The following CCND3 variants were observed in gnomAD, a reference collection of about 807,000 sequenced individuals.
CCND3 encodes cyclin D3, also known as G1/S-specific cyclin-D3.
Under a neutral mutation model 28.7 loss-of-function variants are expected in CCND3, and 9 were observed. The observed-to-expected ratio is 0.31, with a 90% confidence interval of 0.19 to 0.55. The LOEUF (loss-of-function observed/expected upper bound fraction) is 0.55. Ranked by LOEUF, CCND3 falls within the 20% of genes least tolerant of loss-of-function variation. The pLI, the probability that CCND3 is intolerant of heterozygous loss-of-function variation, is 0.93. For missense variants in CCND3, 315 were observed against 385.8 expected (o/e 0.82, Z 1.54); for synonymous variants, 164 against 163.9 (o/e 1.00, Z 0.00).
At chr6:42,047,216 A>C (rs937029365) in intron 1 of CCND3, among the ~76,000 whole-genome samples, 5 of 152,214 alleles carry the variant, frequency 3.3e-5, no homozygotes, top group Non-Finnish European at 7.3e-5. Context: ...ACTCTGCTAC[A>C]ATTATCAGAG....
At chr6:41,943,426 T>G (rs1193637300), upstream of CCND3, among the ~76,000 whole-genome samples, 1 of 152,212 alleles carries the variant, frequency 6.6e-6, no homozygotes, top group East Asian at 1.9e-4. Context: ...CACTTTTCCA[T>G]GCTATTAAAT....
At chr6:41,992,756 C>G (rs9369319) in intron 1 of CCND3, among the ~76,000 whole-genome samples, 149,047 of 152,076 alleles carry the variant, frequency 0.98, 73,100 homozygotes, top group East Asian at 1. Flanking sequence ...AATATTTTAT[C>G]TATCTTGGGA....
upstream of CCND3, among the ~76,000 whole-genome samples, chr6:41,944,876 T>G (rs1776130528): frequency 6.6e-6 from 1 of 152,186 alleles, no homozygotes; most frequent in Non-Finnish European, 1.5e-5. Context: ...TAGCCATGCC[T>G]AGAGCTAGAT....
intron 1 of CCND3, among the ~76,000 whole-genome samples, chr6:41,970,199 C>T (rs371778633): frequency 2.6e-5 from 4 of 151,992 alleles, no homozygotes. Flanking sequence ...TTTAGCTGGG[C>T]GTGGTGGCAC....
In CCND3 at chr6:42,034,468, CTTT is replaced by C. The variant is rs34822771; in HGVS notation, c.-46+14030_-46+14032del. On this transcript the variant is annotated intron_variant, in intron 1 of 4. Transcript: ENST00000372988. ...ACCGTGCCTGGCCAACCCTGTCACTCTTTTTTTTTTTTTTTTTTTTTTTTTTTT... is the reference window on the plus strand; with the variant it reads ...ACCGTGCCTGGCCAACCCTGTCACTCTTTTTTTTTTTTTTTTTTTTTTTTT... 1.2e-3 allele frequency among the ~76,000 whole-genome samples: 60 copies of C among 50,998 alleles called. 1 individual carries two copies. Among genetic ancestry groups the C allele is most frequent in the Middle Eastern group, 0.033 (2 of 60 alleles). The allele number at this position is 50,998 out of a possible 152,430, so 33.5% of individuals were successfully genotyped here. A position where few individuals can be genotyped will look rare whatever the true frequency, so the allele number is the denominator to read the frequency against.
At chr6:41,990,658 T>C (rs6458261) in intron 1 of CCND3, among the ~76,000 whole-genome samples, 134,956 of 137,728 alleles carry the variant, frequency 0.98, 66,160 homozygotes, top group East Asian at 1. Context: ...TATAACCAAC[T>C]GATTTTTTTT....
intron 1 of CCND3, among the ~76,000 whole-genome samples, chr6:42,032,368 G>T (rs567706037): frequency 6.6e-6 from 1 of 152,152 alleles, no homozygotes; most frequent in Admixed American, 6.5e-5. Flanking sequence ...GGTTACACAC[G>T]TGAGCCACCA....
Position 41,936,007 on chromosome 6 carries a change from C to A in CCND3, c.812G>T (p.Arg271Leu). 1 of 1,613,108 alleles carries A rather than the reference C, an allele frequency of 6.2e-7. No individual in the cohort carries two copies. The highest frequency in any genetic ancestry group is 8.5e-7 in the Non-Finnish European group (1 of 1,179,500). ...TSSSPAPKAP[R>L]GSSSQGPSQT... is the part of the protein sequence containing the mutation. ...GCTGGGCCCTTGGCTGCTGGAGCCCCGGGGGGCTTTGGGCGCTGGGCTGGA... is the reference window on the plus strand; with the variant it reads ...GCTGGGCCCTTGGCTGCTGGAGCCCAGGGGGGCTTTGGGCGCTGGGCTGGA... Residue 271 changes from arginine to leucine, a missense_variant, in exon 5 of 5, where the codon CGG becomes CTG. Arg to Leu is a moderately radical substitution (Grantham distance 102). Transcript: ENST00000372991. This position sits in a 1 kb window ranked among gnomAD's most constrained non-coding sequence, Gnocchi z 4.4.
intron 1 of CCND3, among the ~76,000 whole-genome samples, chr6:42,001,732 G>A (rs1009756171): frequency 6.6e-6 from 1 of 152,062 alleles, no homozygotes. Context: ...GGCGGGGGGC[G>A]GAGTGTGCCT....
intron 1 of CCND3, among the ~76,000 whole-genome samples, chr6:41,954,005 C>T (rs537758326): frequency 6.6e-6 from 1 of 151,896 alleles, no homozygotes; most frequent in South Asian, 2.1e-4. Context: ...AATCCCAGCA[C>T]TTTGGGAGGC....
intron 1 of CCND3, among the ~76,000 whole-genome samples, chr6:41,955,798 A>C (rs1241452698): frequency 1.3e-5 from 2 of 152,042 alleles, no homozygotes; most frequent in Non-Finnish European, 2.9e-5. Flanking sequence ...TTAATTAATT[A>C]AAAATTAGCC....
intron 1 of CCND3, among the ~76,000 whole-genome samples, chr6:41,958,286 C>T (rs1199428223): frequency 6.6e-6 from 1 of 152,114 alleles, no homozygotes; most frequent in Non-Finnish European, 1.5e-5. Context: ...TGTGAGCCAC[C>T]ATGCCTGGCC....
rs4236080 is a variant in CCND3 at position 42,044,957 on chromosome 6, G to A, written c.-46+3544C>T. 1.1e-3 allele frequency among the ~76,000 whole-genome samples: 53 copies of A among 47,178 alleles called. 2 individuals carry two copies. Among genetic ancestry groups the A allele is most frequent in the Admixed American group, 8.1e-3 (41 of 5,034 alleles). The allele number at this position is 47,178 out of a possible 152,430, so 31.0% of individuals were successfully genotyped here. A position where few individuals can be genotyped will look rare whatever the true frequency, so the allele number is the denominator to read the frequency against. On this transcript the variant is annotated intron_variant, in intron 1 of 4. Coordinates refer to the CCND3 transcript ENST00000372988. ...GCCCGTGCGACCACGCCCGGCTAAC[G>A]TTTTTTTTTTTTTTTTTTTTGTATT... is the stretch of plus-strand genomic sequence containing the variant.
intron 1 of CCND3, among the ~76,000 whole-genome samples, chr6:41,978,894 C>G (rs1488571349): frequency 6.6e-6 from 1 of 151,968 alleles, no homozygotes; most frequent in Non-Finnish European, 1.5e-5. Flanking sequence ...ACATATGATC[C>G]TGGCTGGGTG....
chr6:41,974,795 T>C (rs60248286), intron 1 of CCND3, among the ~76,000 whole-genome samples: 14,625 of 146,654 alleles, frequency 0.1, 858 homozygotes, highest in East Asian at 0.25. Context: ...CACAGTTCTT[T>C]TTTTTTTTTT....
At position 41,979,968 on chromosome 6, in the gene CCND3, A is replaced by G. The variant is rs7741792; in HGVS notation, c.-45-39383T>C. ...ACTTCTTTACTTGGTATATTTCTAC[A>G]TGGTTTGTTTATTTAACAATGAACA... On this transcript the variant is annotated intron_variant, in intron 1 of 4. Transcript: ENST00000372988. 8.2e-3 allele frequency among the ~76,000 whole-genome samples: 1,189 copies of G among 144,954 alleles called. 16 individuals are homozygous for G. The highest frequency in any genetic ancestry group is 0.028 in the African/African-American group (1,098 of 39,280).
chr6:41,937,034 G>A, intron 3 of CCND3: 2 of 629,260 alleles, frequency 3.2e-6, no homozygotes, highest in African/African-American at 1.8e-5. Context: ...TACCCTCAGT[G>A]TCCCCACTAC....
chr6:42,007,029 G>A (rs1475385381), intron 1 of CCND3, among the ~76,000 whole-genome samples: 1 of 152,026 alleles, frequency 6.6e-6, no homozygotes, highest in African/African-American at 2.4e-5. Context: ...CTATATAACT[G>A]GTGACATATT....
intron 1 of CCND3, among the ~76,000 whole-genome samples, chr6:42,003,525 CAAAAAAAAAAAAAAAAAAA>C (rs61494473): frequency 8.2e-5 from 6 of 73,516 alleles, no homozygotes; most frequent in Non-Finnish European, 1.2e-4. Context: ...GACTCTGTCT[CAAAAAAAAAAAAAAAAAAA>C]AAAAAAAAAA....
Sources: gnomAD v4.1 joint callset for allele counts (sites outside exome capture counted in the v4.1 genomes callset) on GRCh38, gnomAD v4.1.1 for gene constraint, Gnocchi (gnomAD v3.1) non-coding constraint, MANE v1.5 for transcripts, NCBI Gene and HGNC (gene_info 2026-07-23, HGNC 2026-07-21) for gene names.